Variants in CRMP1 observed in about 807,000 individuals in gnomAD.
CRMP1 encodes the protein dihydropyrimidinase-related protein 1.
In CRMP1, 19 loss-of-function variants were observed where a neutral mutation model predicts 68.3. The ratio of observed to expected loss-of-function variants is 0.28; its 90% CI spans 0.19 to 0.41. The LOEUF (loss-of-function observed/expected upper bound fraction) is 0.41, where lower values mean the gene tolerates loss of function less well. CRMP1 is among the 10% of genes least tolerant of loss of function. The pLI, the probability that CRMP1 is intolerant of heterozygous loss-of-function variation, is 1.00. For synonymous variants in CRMP1, 439 were observed against 399.6 expected, an observed-to-expected ratio of 1.10 and a Z score of -1.18; for missense variants, 791 against 967.4, an observed-to-expected ratio of 0.82 and a Z score of 2.42.
intron 8 of CRMP1, among the ~76,000 whole-genome samples, chr4:5,840,832 A>G (rs895387956): frequency 6.6e-6 from 1 of 152,022 alleles, no homozygotes; most frequent in East Asian, 1.9e-4. Context: ...TCTAGCCTCT[A>G]CTTGTCAGCT....
chr4:5,828,316 C>T (rs1720011267), intron 12 of CRMP1, 173 bp downstream of exon 12: 2 of 985,086 alleles, frequency 2.0e-6, no homozygotes, highest in South Asian at 4.7e-5. Context: ...ATGCTCACTC[C>T]TGTCCTCAGA....
chr4:5,882,855 G>A (rs1269722572), intron 1 of CRMP1, among the ~76,000 whole-genome samples: 1 of 152,272 alleles, frequency 6.6e-6, no homozygotes, highest in Middle Eastern at 3.4e-3. Context: ...GTCCAGAAAA[G>A]GAATCCGAGG....
Position 5,883,106 on chromosome 4 carries a change from CCT to C in CRMP1, c.381+9481_381+9482del, listed in dbSNP as rs778131656. On this transcript the variant is annotated intron_variant, in intron 1 of 13. Coordinates refer to ENST00000324989, the MANE Select transcript of CRMP1 (RefSeq NM_001014809.3). The surrounding 1 kb of genome is among the most constrained non-coding windows in gnomAD (Gnocchi z 4.5). Reference sequence around the variant, plus strand: ...TTCCCTTCCCTCAACCAATCAAGTCCCTCAACACCTGGCTGATGTCATCCTCC... The same window carrying C: ...TTCCCTTCCCTCAACCAATCAAGTCCCAACACCTGGCTGATGTCATCCTCC... Among the ~76,000 whole-genome samples the C allele has an allele frequency of 5.9e-5, 9 of 152,120 alleles. No homozygotes were observed. Among genetic ancestry groups the C allele is most frequent in the Non-Finnish European group, 7.4e-5 (5 of 68,020 alleles).
intron 1 of CRMP1, among the ~76,000 whole-genome samples, chr4:5,880,389 G>A (rs952734104): frequency 6.6e-6 from 1 of 152,152 alleles, no homozygotes; most frequent in African/African-American, 2.4e-5. Context: ...GATATGGTAT[G>A]ATTTAAAAAT....
Position 5,892,519 on chromosome 4 carries a change from G to C in CRMP1, c.381+70C>G. 1 of 1,150,176 alleles carries C rather than the reference G, an allele frequency of 8.7e-7. No individual in the cohort carries two copies. Among genetic ancestry groups the C allele is most frequent in the Non-Finnish European group, 1.1e-6 (1 of 934,756 alleles). The allele number at this position is 1,150,176 out of a possible 1,614,324, so 71.2% of individuals were successfully genotyped here. On this transcript the variant is annotated intron_variant, in intron 1 of 13. Transcript: ENST00000324989. This position sits in a 1 kb window ranked among gnomAD's most constrained non-coding sequence, Gnocchi z 8.6. ...ACACCGGGGCCCGGGCATGGCCCTCGGGCGCCCCATGCCCTGGGTCCTCCC... is the reference window on the plus strand; with the variant it reads ...ACACCGGGGCCCGGGCATGGCCCTCCGGCGCCCCATGCCCTGGGTCCTCCC...
At chr4:5,830,096 G>A (rs1477217961) in intron 11 of CRMP1, among the ~76,000 whole-genome samples, 4 of 152,180 alleles carry the variant, frequency 2.6e-5, no homozygotes, top group African/African-American at 9.7e-5. Flanking sequence ...ATCTGTGACT[G>A]AGACTGGGTC....
rs1171594994 is a variant in CRMP1 at position 5,838,306 on chromosome 4, G to T, written c.1310+1216C>A. Among the ~76,000 whole-genome samples, 1 of 152,170 alleles carries T rather than the reference G, an allele frequency of 6.6e-6. No individual in the cohort carries two copies. On this transcript the variant is annotated intron_variant, in intron 9 of 13. Transcript: ENST00000324989. The surrounding 1 kb of genome is among the most constrained non-coding windows in gnomAD (Gnocchi z 4.9). ...CCCAGGGAGGGAGGTTGGTCAGGGC[G>T]TGTGCACCGGATTGAGTTCTGCCTT...
rs141742801 is a variant in CRMP1 at position 5,841,773 on chromosome 4, C to T, written c.1033-345G>A. Among the ~76,000 whole-genome samples, 37 of 152,290 alleles carry T rather than the reference C, an allele frequency of 2.4e-4. No homozygotes were observed. The highest frequency in any genetic ancestry group is 2.3e-3 in the Admixed American group (35 of 15,296). ...GTGGGATCTCAAGCCCCTCAGGACACGGAACCTGTCCACTCATGTGGACTC... is the reference window on the plus strand; with the variant it reads ...GTGGGATCTCAAGCCCCTCAGGACATGGAACCTGTCCACTCATGTGGACTC... On this transcript the variant is annotated intron_variant, in intron 7 of 13. Coordinates refer to ENST00000324989, the MANE Select transcript of CRMP1 (RefSeq NM_001014809.3). This position sits in a 1 kb window ranked among gnomAD's most constrained non-coding sequence, Gnocchi z 6.9.
At position 5,861,601 on chromosome 4, in the gene CRMP1, G is replaced by C. The variant is rs1713562408; in HGVS notation, c.471-391C>G. Among the ~76,000 whole-genome samples the C allele has an allele frequency of 6.6e-6, 1 of 152,168 alleles. No homozygotes were observed. The highest frequency in any genetic ancestry group is 6.5e-5 in the Admixed American group (1 of 15,280). ...ACAGGTGCCTGAAAACTTCCTCCAG[G>C]AGGTTAAATTCCAAATGGGGAAGGA... On this transcript the variant is annotated intron_variant, in intron 2 of 13. Transcript: ENST00000324989. This position sits in a 1 kb window ranked among gnomAD's most constrained non-coding sequence, Gnocchi z 6.0.
intron 11 of CRMP1, among the ~76,000 whole-genome samples, chr4:5,835,659 A>G (rs547972235): frequency 6.6e-6 from 1 of 152,306 alleles, no homozygotes; most frequent in African/African-American, 2.4e-5. Context: ...ACATGCATCC[A>G]TGGGCAGGAG....
At chr4:5,835,795 C>A in intron 11 of CRMP1, 120 bp downstream of exon 11, 1 of 1,178,516 alleles carries the variant, frequency 8.5e-7, no homozygotes, top group Non-Finnish European at 1.1e-6. Flanking sequence ...ATGACTGAGT[C>A]AGGCTAGATA....
intron 1 of CRMP1, among the ~76,000 whole-genome samples, chr4:5,871,313 AT>A (rs1226604544): frequency 2.0e-5 from 3 of 152,138 alleles, no homozygotes; most frequent in East Asian, 3.9e-4. Context: ...GCTCAGAGAG[AT>A]TTTAGTAGGT....
rs1046067669 is a variant in CRMP1, at chr4:5,853,141, A to G, written c.821-1672T>C. On this transcript the variant is annotated intron_variant, in intron 4 of 13. Transcript: ENST00000324989. This position sits in a 1 kb window ranked among gnomAD's most constrained non-coding sequence, Gnocchi z 4.7. ...AGAAAATAAAAACACAGGTGGGAGC[A>G]GTGGCTCACGCCTGTAATCCCAGCA... Among the ~76,000 whole-genome samples, 1 of 152,216 alleles carries G rather than the reference A, an allele frequency of 6.6e-6. No individual in the cohort carries two copies. The highest frequency in any genetic ancestry group is 1.5e-5 in the Non-Finnish European group (1 of 68,034).
Position 5,858,769 on chromosome 4 carries a change from G to A in CRMP1, c.655+2257C>T, listed in dbSNP as rs960858073. ...AGAGCCACAGCCTCATCAGGCCATC[G>A]AGGCCCAGGGTTGTCCTCTCCTTCC... On this transcript the variant is annotated intron_variant, in intron 3 of 13. Coordinates refer to ENST00000324989, the MANE Select transcript of CRMP1 (RefSeq NM_001014809.3). This position sits in a 1 kb window ranked among gnomAD's most constrained non-coding sequence, Gnocchi z 5.5. Among the ~76,000 whole-genome samples the A allele has an allele frequency of 5.9e-5, 9 of 152,104 alleles. No individual in the cohort carries two copies. The highest frequency in any genetic ancestry group is 3.9e-4 in the East Asian group (2 of 5,186).
chr4:5,827,190 AC>A (rs1719774222), intron 12 of CRMP1, among the ~76,000 whole-genome samples: 1 of 152,184 alleles, frequency 6.6e-6, no homozygotes, highest in Admixed American at 6.5e-5. Context: ...ACGGAAGCTG[AC>A]TGTTAACCGC....
rs1452072548 is a variant in CRMP1 at position 5,883,620 on chromosome 4, T to A, written c.381+8969A>T. On this transcript the variant is annotated intron_variant, in intron 1 of 13. Transcript: ENST00000324989. This position sits in a 1 kb window ranked among gnomAD's most constrained non-coding sequence, Gnocchi z 4.5. The stretch of plus-strand genomic sequence containing the variant: ...CTTAAGTTGTTTTATGTGCATGCAC[T>A]TTGTCACTTAGATGGCAAGATAATT... Among the ~76,000 whole-genome samples the A allele has an allele frequency of 6.6e-6, 1 of 151,440 alleles. No individual in the cohort carries two copies. Among genetic ancestry groups the A allele is most frequent in the Non-Finnish European group, 1.5e-5 (1 of 67,960 alleles).
intron 6 of CRMP1, among the ~76,000 whole-genome samples, chr4:5,844,266 A>G (rs942940174): frequency 1.3e-5 from 2 of 152,126 alleles, no homozygotes; most frequent in Admixed American, 1.3e-4. Flanking sequence ...AAATGTTTAC[A>G]AAAAGATTTT....
chr4:5,837,268 C>T (rs114550128), intron 9 of CRMP1, among the ~76,000 whole-genome samples: 2,858 of 152,236 alleles, frequency 0.019, 73 homozygotes, highest in African/African-American at 0.065. Context: ...CTTTTGTCCC[C>T]TGGTGTTTTA....
chr4:5,866,786 C>A lies in CRMP1; in HGVS notation c.382-30G>T. 3 of 1,502,546 alleles carry A rather than the reference C, an allele frequency of 2.0e-6. No homozygotes were observed. The highest frequency in any genetic ancestry group is 2.7e-6 in the Non-Finnish European group (3 of 1,105,662). 93.1% of individuals were successfully genotyped at this position (1,502,546 alleles called of 1,614,324 possible). A position where few individuals can be genotyped will look rare whatever the true frequency, so the allele number is the denominator to read the frequency against. ...AAAGCAAGGCAAAGTATTAAGGATC[C>A]TTGGTGAAAAGCCAGGATAAAGTTT... On this transcript the variant is annotated intron_variant, in intron 1 of 13. Coordinates refer to ENST00000324989, the MANE Select transcript of CRMP1 (RefSeq NM_001014809.3). This position sits in a 1 kb window ranked among gnomAD's most constrained non-coding sequence, Gnocchi z 5.9.
Sources: gnomAD v4.1 joint callset for allele counts (sites outside exome capture counted in the v4.1 genomes callset) on GRCh38, gnomAD v4.1.1 for gene constraint, Gnocchi (gnomAD v3.1) non-coding constraint, MANE v1.5 for transcripts, NCBI Gene and HGNC (gene_info 2026-07-23, HGNC 2026-07-21) for gene names.